UBASH3B: variants seen among roughly 807,000 people sequenced by gnomAD.
UBASH3B encodes ubiquitin associated and SH3 domain containing B.
A neutral mutation model predicts 83.4 loss-of-function variants in UBASH3B; 37 were observed. That is an observed-to-expected ratio of 0.44 (90% CI 0.34 to 0.58). The LOEUF (loss-of-function observed/expected upper bound fraction) is 0.58, where lower values mean the gene tolerates loss of function less well. UBASH3B is among the 20% of genes least tolerant of loss of function. UBASH3B has a pLI of 0.01. For synonymous variants in UBASH3B, 304 were observed against 318.3 expected, an observed-to-expected ratio of 0.96 and a Z score of 0.48; for missense variants, 657 against 827.2, an observed-to-expected ratio of 0.79 and a Z score of 2.52.
At chr11:122,745,764 G>C (rs565620616) in intron 1 of UBASH3B, among the ~76,000 whole-genome samples, 2 of 152,294 alleles carry the variant, frequency 1.3e-5, no homozygotes, top group East Asian at 3.9e-4. Flanking sequence ...TGCACCCGCT[G>C]TTCCGTCACT....
At chr11:122,710,015 G>A (rs1331350076) in intron 1 of UBASH3B, among the ~76,000 whole-genome samples, 1 of 151,988 alleles carries the variant, frequency 6.6e-6, no homozygotes, top group Non-Finnish European at 1.5e-5. Context: ...AATTAGCCAG[G>A]CATGGTGGCG....
chr11:122,775,950 T>C (rs1165374432), intron 1 of UBASH3B: 1 of 381,038 alleles, frequency 2.6e-6, no homozygotes, highest in Non-Finnish European at 4.7e-6. Context: ...AATAAAACTC[T>C]AATGTGGAAA....
intron 1 of UBASH3B, among the ~76,000 whole-genome samples, chr11:122,682,784 A>C (rs979810000): frequency 1.3e-5 from 2 of 152,344 alleles, no homozygotes; most frequent in Admixed American, 6.5e-5. Flanking sequence ...GCCATCCTAC[A>C]GTGATTATAA....
intron 1 of UBASH3B, among the ~76,000 whole-genome samples, chr11:122,765,820 ATGAT>A (rs1860526313): frequency 6.6e-6 from 1 of 152,160 alleles, no homozygotes; most frequent in Non-Finnish European, 1.5e-5. Flanking sequence ...CTCCTGGGCT[ATGAT>A]TGTGGCTTTA....
intron 1 of UBASH3B, among the ~76,000 whole-genome samples, chr11:122,693,595 G>A (rs868231663): frequency 1.3e-5 from 2 of 152,150 alleles, no homozygotes; most frequent in South Asian, 2.1e-4. Context: ...AATGATGGCC[G>A]AGCGTGGTGG....
intron 1 of UBASH3B, among the ~76,000 whole-genome samples, chr11:122,757,084 A>T (rs1861293641): frequency 6.6e-6 from 1 of 152,186 alleles, no homozygotes; most frequent in Admixed American, 6.5e-5. Context: ...TCGATCTAAA[A>T]TCAGAACCTA....
chr11:122,795,076 AGGAGG>A (rs1861131944), intron 7 of UBASH3B, among the ~76,000 whole-genome samples: 1 of 152,234 alleles, frequency 6.6e-6, no homozygotes, highest in African/African-American at 2.4e-5. Flanking sequence ...CCACAGAGAT[AGGAGG>A]AGAGTTTATC....
chr11:122,771,748 A>AACACAC (rs58950220), intron 1 of UBASH3B, among the ~76,000 whole-genome samples: 2,167 of 147,222 alleles, frequency 0.015, 20 homozygotes, highest in Non-Finnish European at 0.022. Context: ...GCTGTGTTAA[A>AACACAC]ACACACACAC....
intron 1 of UBASH3B, among the ~76,000 whole-genome samples, chr11:122,730,153 G>A (rs1474510330): frequency 2.0e-5 from 3 of 152,082 alleles, no homozygotes; most frequent in East Asian, 1.9e-4. Context: ...GGGCATGATG[G>A]TGTGCGCCTG....
Position 122,778,508 on chromosome 11 carries a change from C to T in UBASH3B, c.403-989C>T, listed in dbSNP as rs187646170. Among the ~76,000 whole-genome samples the T allele has an allele frequency of 3.3e-3, 493 of 150,258 alleles. 1 individual carries two copies. Among genetic ancestry groups the T allele is most frequent in the Non-Finnish European group, 5.6e-3 (378 of 67,806 alleles). On this transcript the variant is annotated intron_variant, in intron 3 of 13. Transcript: ENST00000284273. ...AGATGATACAAAATAGTAGAAAACA[C>T]GCAGCTTCTCCTGGGATGCTGCACT...
intron 6 of UBASH3B, among the ~76,000 whole-genome samples, chr11:122,790,081 G>A (rs530763044): frequency 6.6e-6 from 1 of 152,338 alleles, no homozygotes; most frequent in Non-Finnish European, 1.5e-5. Context: ...TCTGCATGCT[G>A]GTTTGTTTTT....
chr11:122,743,221 T>G (rs1194924925), intron 1 of UBASH3B, among the ~76,000 whole-genome samples: 2 of 152,144 alleles, frequency 1.3e-5, no homozygotes, highest in African/African-American at 4.8e-5. Context: ...AATCTCTCTC[T>G]CTCTCTCTCT....
Position 122,808,370 on chromosome 11 carries a change from C to T in UBASH3B, c.1812+194C>T, listed in dbSNP as rs148018690. On this transcript the variant is annotated intron_variant, in intron 13 of 13. Transcript: ENST00000284273. ...TTTATTAAGCCTTGTGTTAGAAAAA[C>T]AATGTATGAGAGCTAGTTCTAGCTT... Among the ~76,000 whole-genome samples, 441 of 152,314 alleles carry T rather than the reference C, an allele frequency of 2.9e-3. 1 individual carries two copies. Among genetic ancestry groups the T allele is most frequent in the African/African-American group, 0.01 (425 of 41,558 alleles).
Position 122,717,535 on chromosome 11 carries a change from A to G in UBASH3B, c.162-58684A>G, listed in dbSNP as rs183684987. On this transcript the variant is annotated intron_variant, in intron 1 of 13. Transcript: ENST00000284273. ...GCCACAGATCAGTAGAGGGAGAAGC[A>G]CTGCACACAGCACGGATGCTTGTAA... Among the ~76,000 whole-genome samples the G allele has an allele frequency of 3.9e-5, 6 of 152,346 alleles. No homozygotes were observed. The East Asian group carries it at 9.7e-4, about 25-fold the overall frequency.
At chr11:122,668,823 A>AC (rs1436851590) in intron 1 of UBASH3B, among the ~76,000 whole-genome samples, 3 of 152,228 alleles carry the variant, frequency 2.0e-5, no homozygotes, top group Admixed American at 6.5e-5. Flanking sequence ...CTCTCAAAGT[A>AC]CTGTGAACTG....
At chr11:122,765,709 G>T (rs1591803932) in intron 1 of UBASH3B, among the ~76,000 whole-genome samples, 1 of 152,192 alleles carries the variant, frequency 6.6e-6, no homozygotes, top group East Asian at 1.9e-4. Context: ...TTGGGTTACT[G>T]GATGCTTTGT....
At chr11:122,729,107 T>C (rs1464588000) in intron 1 of UBASH3B, among the ~76,000 whole-genome samples, 1 of 152,170 alleles carries the variant, frequency 6.6e-6, no homozygotes, top group Non-Finnish European at 1.5e-5. Context: ...TCATTGCAGG[T>C]CTACTGTGGC....
At position 122,767,262 on chromosome 11, in the gene UBASH3B, G is replaced by A. The variant is rs571668443; in HGVS notation, c.162-8957G>A. ...CAGCCTGGTGACAGAGCAAGACTCC[G>A]TCTCAAAAAAAAAAAAAAAGTAATC... On this transcript the variant is annotated intron_variant, in intron 1 of 13. Transcript: ENST00000284273. Among the ~76,000 whole-genome samples the A allele has an allele frequency of 1.3e-3, 60 of 47,810 alleles. 1 individual carries two copies. The South Asian group carries it at 0.018, about 14-fold the overall frequency. 31.4% of individuals were successfully genotyped at this position (47,810 alleles called of 152,430 possible).
chr11:122,789,125 C>T lies in UBASH3B; in HGVS notation c.797C>T (p.Thr266Ile), dbSNP rs141920402. The change falls in exon 6 of 14, where the codon ACC (threonine) becomes ATC (isoleucine). Residue 266 changes from threonine (T) to isoleucine (I), a missense_variant. By Grantham distance (89) the Thr-to-Ile change is moderately conservative (BLOSUM62 -1). Around this residue, in one of 3 missense-constraint regions of UBASH3B, gnomAD observed 573 missense variants for 739.0 expected, o/e 0.78. Transcript: ENST00000284273. ...ACATTACAGGTCATCTACCCCTATA[C>T]CCCACAAAATGACGATGAGCTGGAG... ...HETLQVIYPYTPQNDDELELV... is the reference protein window; with the variant it reads ...HETLQVIYPYIPQNDDELELV... 15 of 1,613,428 alleles carry T rather than the reference C, an allele frequency of 9.3e-6. No individual in the cohort carries two copies. The highest frequency in any genetic ancestry group is 8.8e-5 in the South Asian group (8 of 91,040).
Sources: gnomAD v4.1 joint callset for allele counts (sites outside exome capture counted in the v4.1 genomes callset) on GRCh38, gnomAD v4.1.1 for gene constraint, gnomAD v4.1.1 regional missense constraint, MANE v1.5 for transcripts, NCBI Gene and HGNC (gene_info 2026-07-23, HGNC 2026-07-21) for gene names.